KLHL29: variants seen among roughly 807,000 people sequenced by gnomAD.
KLHL29 encodes the protein kelch-like protein 29.
Under a neutral mutation model 80.4 loss-of-function variants are expected in KLHL29, and 21 were observed. The ratio of observed to expected loss-of-function variants is 0.26; its 90% CI spans 0.19 to 0.38. KLHL29 has a LOEUF of 0.38. Among genes scored for constraint, KLHL29 ranks in the 10% least tolerant of loss-of-function variants. The pLI, the probability that KLHL29 is intolerant of heterozygous loss-of-function variation, is 1.00. For missense variants in KLHL29, 867 were observed against 1,223.9 expected (o/e 0.71, Z 4.35); for synonymous variants, 511 against 526.8 (o/e 0.97, Z 0.41).
rs774746015 is a variant in KLHL29 at position 23,693,387 on chromosome 2, C to T, written c.1401C>T (p.Ala467=). The T allele has an allele frequency of 5.7e-5, 89 of 1,551,698 alleles. No individual in the cohort carries two copies. The highest frequency in any genetic ancestry group is 5.6e-4 in the African/African-American group (41 of 73,160). Residue 467 remains alanine, a synonymous_variant, in exon 8 of 14, where the codon GCC becomes GCT. Coordinates refer to ENST00000486442, the MANE Select transcript of KLHL29 (RefSeq NM_052920.2). Reference sequence around the variant, plus strand: ...CGCTGCAGATCTTCCCCGAGGTGGCCGCCCAGGAGGAGATCCTCAGCATCT... The same window carrying T: ...CGCTGCAGATCTTCCCCGAGGTGGCTGCCCAGGAGGAGATCCTCAGCATCT... ...AFALQIFPEV[A]AQEEILSISK... is the part of the protein sequence containing the mutation.
intron 2 of KLHL29, among the ~76,000 whole-genome samples, chr2:23,479,036 C>G (rs890513448): frequency 6.6e-6 from 1 of 151,824 alleles, no homozygotes; most frequent in Non-Finnish European, 1.5e-5. Flanking sequence ...CCCTTGTCCA[C>G]TCCCCTCTTG....
rs1427452258 is a variant in KLHL29 at position 23,385,228 on chromosome 2, C to A, written c.-706C>A. ...CCAGAAGGGAGCATGGTCCCCGCGC[C>A]GCGGCCGCGCCAGCCCCCGCGCCGC... On this transcript the variant is annotated 5_prime_UTR_variant, in exon 1 of 14. Coordinates refer to ENST00000486442, the MANE Select transcript of KLHL29 (RefSeq NM_052920.2). 2 of 149,098 alleles carry A rather than the reference C, an allele frequency of 1.3e-5. No individual in the cohort carries two copies. The highest frequency in any genetic ancestry group is 1.8e-4 in the South Asian group (1 of 5,676). The allele number at this position is 149,098 out of a possible 1,614,324, so 9.2% of individuals were successfully genotyped here. A position where few individuals can be genotyped will look rare whatever the true frequency, so the allele number is the denominator to read the frequency against.
At chr2:23,537,917 A>G (rs1331247337) in intron 2 of KLHL29, among the ~76,000 whole-genome samples, 4 of 152,216 alleles carry the variant, frequency 2.6e-5, no homozygotes, top group African/African-American at 4.8e-5. Context: ...TCATGACAGT[A>G]GGAAATACTT....
intron 2 of KLHL29, among the ~76,000 whole-genome samples, chr2:23,492,622 G>C (rs1572354761): frequency 6.6e-6 from 1 of 152,200 alleles, no homozygotes; most frequent in Non-Finnish European, 1.5e-5. Flanking sequence ...AAGAACCAGA[G>C]AGTTCCATCT....
Position 23,684,838 on chromosome 2 carries a change from C to T in KLHL29, c.1079+301C>T, listed in dbSNP as rs1319990792. On this transcript the variant is annotated intron_variant, in intron 6 of 13. Coordinates refer to ENST00000486442, the MANE Select transcript of KLHL29 (RefSeq NM_052920.2). This position sits in a 1 kb window ranked among gnomAD's most constrained non-coding sequence, Gnocchi z 4.4. ...CCCCACCCCTGAGATCCCAGGTTCTCAGTGGCTCACAAGCTGTCCCTGAGA... is the reference window on the plus strand; with the variant it reads ...CCCCACCCCTGAGATCCCAGGTTCTTAGTGGCTCACAAGCTGTCCCTGAGA... Among the ~76,000 whole-genome samples the T allele has an allele frequency of 6.6e-6, 1 of 152,202 alleles. No individual in the cohort carries two copies. The highest frequency in any genetic ancestry group is 2.4e-5 in the African/African-American group (1 of 41,462).
intron 2 of KLHL29, among the ~76,000 whole-genome samples, chr2:23,476,927 G>A (rs1295372310): frequency 1.3e-5 from 2 of 152,236 alleles, no homozygotes; most frequent in Admixed American, 6.5e-5. Context: ...GAGGCAAGGA[G>A]GCCTGGAGCT....
chr2:23,706,976 G>T lies in KLHL29; in HGVS notation c.*312G>T. The T allele has an allele frequency of 4.0e-6, 1 of 249,098 alleles. No homozygotes were observed. The highest frequency in any genetic ancestry group is 7.6e-6 in the Non-Finnish European group (1 of 132,134). 15.4% of individuals were successfully genotyped at this position (249,098 alleles called of 1,614,324 possible). The stretch of plus-strand genomic sequence containing the variant: ...ATTTTTCAACTGGGAGAGAGAAGCT[G>T]TTTTTTCCTTCCTGCAGAGCAAGCT... On this transcript the variant is annotated 3_prime_UTR_variant, in exon 14 of 14. Coordinates refer to ENST00000486442, the MANE Select transcript of KLHL29 (RefSeq NM_052920.2).
intron 2 of KLHL29, among the ~76,000 whole-genome samples, chr2:23,539,545 C>T (rs1026995355): frequency 6.6e-5 from 10 of 150,962 alleles, no homozygotes; most frequent in Non-Finnish European, 1.3e-4. Flanking sequence ...AGGCTCAAGC[C>T]GTCCTCCTGC....
chr2:23,429,700 G>A lies in KLHL29; in HGVS notation c.-154+43920G>A, dbSNP rs148632600. On this transcript the variant is annotated intron_variant, in intron 1 of 13. Coordinates refer to ENST00000486442, the MANE Select transcript of KLHL29 (RefSeq NM_052920.2). ...ACCTGGGAGGCAGAAGTTTCAGTGA[G>A]CTGAGATCGTGCCACTGTACTCCAG... Among the ~76,000 whole-genome samples the A allele has an allele frequency of 3.3e-3, 495 of 152,058 alleles. 2 individuals are homozygous for A. The highest frequency in any genetic ancestry group is 0.012 in the African/African-American group (480 of 41,454).
chr2:23,393,441 C>T (rs756367640), intron 1 of KLHL29, among the ~76,000 whole-genome samples: 4 of 152,174 alleles, frequency 2.6e-5, no homozygotes, highest in Non-Finnish European at 4.4e-5. Context: ...GTCTGTCTGG[C>T]GCTTCTGAGC....
chr2:23,401,166 G>A (rs1045649639), intron 1 of KLHL29, among the ~76,000 whole-genome samples: 3 of 152,220 alleles, frequency 2.0e-5, no homozygotes, highest in Non-Finnish European at 4.4e-5. Context: ...GTGTGTGGGT[G>A]ACAACTTCAA....
Position 23,562,514 on chromosome 2 carries a change from G to T in KLHL29, c.285+33G>T. Reference sequence around the variant, plus strand: ...GTGGTGTCATCTCTGAGCAGGAGCCGGACAGAGGGGCCCTGCCTCCCTGCA... The same window carrying T: ...GTGGTGTCATCTCTGAGCAGGAGCCTGACAGAGGGGCCCTGCCTCCCTGCA... On this transcript the variant is annotated intron_variant, in intron 3 of 13. Coordinates refer to ENST00000486442, the MANE Select transcript of KLHL29 (RefSeq NM_052920.2). This position sits in a 1 kb window ranked among gnomAD's most constrained non-coding sequence, Gnocchi z 4.5. 1 of 1,530,948 alleles carries T rather than the reference G, an allele frequency of 6.5e-7. No individual in the cohort carries two copies. Among genetic ancestry groups the T allele is most frequent in the South Asian group, 1.2e-5 (1 of 83,408 alleles). The allele number at this position is 1,530,948 out of a possible 1,614,324, so 94.8% of individuals were successfully genotyped here. A position where few individuals can be genotyped will look rare whatever the true frequency, so the allele number is the denominator to read the frequency against.
chr2:23,691,498 GAC>G (rs1161551448), intron 6 of KLHL29, 174 bp from the exon 7 acceptor site: 1 of 608,956 alleles, frequency 1.6e-6, no homozygotes, highest in African/African-American at 1.8e-5. Flanking sequence ...TCTCTGGTCA[GAC>G]TCTTCTCTTT....
intron 2 of KLHL29, among the ~76,000 whole-genome samples, chr2:23,509,493 C>T (rs1220392847): frequency 1.3e-5 from 2 of 152,022 alleles, no homozygotes; most frequent in East Asian, 3.9e-4. Flanking sequence ...ATCGCCACTC[C>T]CTCCTCTTTA....
intron 6 of KLHL29, chr2:23,685,409 CCT>C (rs1327866968): frequency 6.6e-6 from 1 of 152,354 alleles, no homozygotes; most frequent in Non-Finnish European, 1.5e-5. Flanking sequence ...CGCCGCTGCT[CCT>C]CTTGCCTTGC....
intron 1 of KLHL29, among the ~76,000 whole-genome samples, chr2:23,473,996 C>T (rs773040674): frequency 1.3e-5 from 2 of 152,120 alleles, no homozygotes; most frequent in Non-Finnish European, 2.9e-5. Context: ...CAAGACTGGC[C>T]CTGCCCACCC....
chr2:23,483,598 A>G (rs1291415865), intron 2 of KLHL29, among the ~76,000 whole-genome samples: 8 of 152,232 alleles, frequency 5.3e-5, no homozygotes, highest in Non-Finnish European at 1.0e-4. Flanking sequence ...CTAAGGCTAA[A>G]GATAGACGAT....
intron 2 of KLHL29, among the ~76,000 whole-genome samples, chr2:23,493,134 G>A (rs1459218440): frequency 6.6e-6 from 1 of 152,198 alleles, no homozygotes; most frequent in Non-Finnish European, 1.5e-5. Context: ...GTAAGGTAGA[G>A]CACTTCACAA....
chr2:23,620,864 G>A (rs974682339), intron 3 of KLHL29, among the ~76,000 whole-genome samples: 5 of 152,224 alleles, frequency 3.3e-5, no homozygotes, highest in Admixed American at 6.5e-5. Context: ...AGGCCAGTGT[G>A]TGCTGCCGCG....
Sources: allele counts gnomAD v4.1 joint callset (sites outside exome capture counted in the v4.1 genomes callset), GRCh38; gene constraint gnomAD v4.1.1; non-coding constraint Gnocchi (gnomAD v3.1); transcripts MANE v1.5; gene names NCBI Gene and HGNC (gene_info 2026-07-23, HGNC 2026-07-21).